The following ADAMTS7 variants were observed in gnomAD, a reference collection of about 807,000 sequenced individuals.
ADAMTS7 encodes A disintegrin and metalloproteinase with thrombospondin motifs 7.
A neutral mutation model predicts 172.6 loss-of-function variants in ADAMTS7; 89 were observed. The ratio of observed to expected loss-of-function variants is 0.52; its 90% CI spans 0.43 to 0.61. The LOEUF (loss-of-function observed/expected upper bound fraction) is 0.61, where lower values mean the gene tolerates loss of function less well. Among genes scored for constraint, ADAMTS7 ranks in the 20% least tolerant of loss-of-function variants. The pLI is 0.00. For missense variants in ADAMTS7, 1,973 were observed against 2,355.6 expected (o/e 0.84, Z 3.36); for synonymous variants, 885 against 978.4 (o/e 0.90, Z 1.78).
chr15:78,768,316 C>T (rs2055194144), intron 16 of ADAMTS7, 57 bp from the exon 17 acceptor site: 5 of 1,605,768 alleles, frequency 3.1e-6, no homozygotes, highest in Non-Finnish European at 4.2e-6. Flanking sequence ...CACCCAAGAC[C>T]CAAAGACACC....
At chr15:78,792,736 C>A (rs1363249701) in intron 4 of ADAMTS7, among the ~76,000 whole-genome samples, 1 of 152,154 alleles carries the variant, frequency 6.6e-6, no homozygotes, top group Non-Finnish European at 1.5e-5. Context: ...TCACTGGAAC[C>A]CGGGAAGGCA....
chr15:78,796,742 G>T lies in ADAMTS7; in HGVS notation c.667C>A (p.Gln223Lys). 3 of 1,612,548 alleles carry T rather than the reference G, an allele frequency of 1.9e-6. No homozygotes were observed. The highest frequency in any genetic ancestry group is 2.5e-6 in the Non-Finnish European group (3 of 1,179,858). Residue 223 changes from glutamine to lysine, a missense_variant, in exon 4 of 24, where the codon CAG becomes AAG. By Grantham distance (53) the Gln-to-Lys change is moderately conservative (BLOSUM62 1). Around this residue, in one of 8 missense-constraint regions of ADAMTS7, gnomAD observed 526 missense variants for 662.9 expected, o/e 0.79. Coordinates refer to ENST00000388820, the MANE Select transcript of ADAMTS7 (RefSeq NM_014272.5). The part of the protein sequence containing the change: ...ESRRERWEQR[Q>K]QWRRPRLRRL... ...CTCAGCCGTGGCCGCCGCCACTGCT[G>T]CCGCTGCTCCCAACGCTCCCGTCGA...
At chr15:78,787,108 A>G (rs915904435) in intron 8 of ADAMTS7, among the ~76,000 whole-genome samples, 4 of 152,138 alleles carry the variant, frequency 2.6e-5, no homozygotes, top group African/African-American at 9.7e-5. Context: ...TGTTTATGTT[A>G]TCAGTAAGGC....
At chr15:78,774,998 C>G (rs1190248258) in intron 11 of ADAMTS7, among the ~76,000 whole-genome samples, 1 of 152,226 alleles carries the variant, frequency 6.6e-6, no homozygotes, top group Non-Finnish European at 1.5e-5. Context: ...GGGGAGGTGG[C>G]AGCAGGAAGC....
intron 4 of ADAMTS7, among the ~76,000 whole-genome samples, chr15:78,794,715 GT>G (rs1188150089): frequency 7.9e-5 from 12 of 152,104 alleles, no homozygotes; most frequent in African/African-American, 2.6e-4. Context: ...GTCTTTTTTT[GT>G]TTTTGTTTTT....
intron 1 of ADAMTS7, among the ~76,000 whole-genome samples, chr15:78,806,689 G>T (rs2055801925): frequency 6.6e-6 from 1 of 152,170 alleles, no homozygotes; most frequent in Non-Finnish European, 1.5e-5. Flanking sequence ...CACTCGCAGT[G>T]GGAGATTTCC....
In ADAMTS7 at chr15:78,777,536, A is replaced by T. The variant is rs769508656; in HGVS notation, c.1375T>A (p.Phe459Ile). ...AGGACGCCAGGTGGCACCGAGGGGA[A>T]GTCGATAATGTCCTTGGCAGGAGGG... ...DDPPAKDIID[F>I]PSVPPGVLYD... Residue 459 changes from phenylalanine to isoleucine, a missense_variant, in exon 9 of 24, where the codon TTC (phenylalanine) becomes ATC (isoleucine). By Grantham distance (21) the Phe-to-Ile change is conservative (BLOSUM62 0). Transcript: ENST00000388820. 2 of 1,610,120 alleles carry T rather than the reference A, an allele frequency of 1.2e-6. No homozygotes were observed. The highest frequency in any genetic ancestry group is 2.2e-5 in the South Asian group (2 of 90,056).
chr15:78,799,032 A>T (rs2141521071), intron 2 of ADAMTS7, among the ~76,000 whole-genome samples: 2 of 149,082 alleles, frequency 1.3e-5, no homozygotes, highest in South Asian at 4.5e-4. Context: ...TGAAATGGGA[A>T]TGATGCCCCA....
At chr15:78,788,111 T>C (rs2055530762) in intron 8 of ADAMTS7, 120 bp downstream of exon 8, 16 of 1,376,736 alleles carry the variant, frequency 1.2e-5, no homozygotes, top group Non-Finnish European at 9.9e-7. Context: ...ACCTCATGTA[T>C]CAAGATCTTG....
Position 78,800,315 on chromosome 15 carries a change from CCGCGTCT to C in ADAMTS7, c.326_332del (p.Glu109GlyfsTer42). On this transcript the variant is annotated frameshift_variant, in exon 2 of 24. Coordinates refer to ENST00000388820, the MANE Select transcript of ADAMTS7 (RefSeq NM_014272.5). LOFTEE classifies it high-confidence loss of function. ...GCGCGCGGCCCAGGCCGCCGCGCCG[CCGCGTCT>C]CGCTCACAAAGCCGGGCGCCAGCAG... The C allele has an allele frequency of 6.3e-7, 1 of 1,593,894 alleles. No homozygotes were observed. Among genetic ancestry groups the C allele is most frequent in the South Asian group, 1.1e-5 (1 of 89,862 alleles).
chr15:78,771,773 C>T lies in ADAMTS7; in HGVS notation c.2188G>A (p.Val730Ile). The T allele has an allele frequency of 6.2e-7, 1 of 1,612,796 alleles. No homozygotes were observed. ...GCCAGGAAGTTGGCAGCCTCGGCAA[C>T]CTCTTGGATGCGGATCTCGCGTGCG... ...AGAREIRIQE[V>I]AEAANFLALR... is the part of the protein sequence containing the mutation. Residue 730 changes from valine (V) to isoleucine (I), a missense_variant, in exon 15 of 24, where the codon GTT becomes ATT. Transcript: ENST00000388820. The surrounding 1 kb of genome is among the most constrained non-coding windows in gnomAD (Gnocchi z 4.9).
At position 78,797,933 on chromosome 15, in the gene ADAMTS7, A is replaced by G. The variant is rs2055667677; in HGVS notation, c.622+15T>C. 1 of 1,591,150 alleles carries G rather than the reference A, an allele frequency of 6.3e-7. No individual in the cohort carries two copies. The highest frequency in any genetic ancestry group is 8.5e-7 in the Non-Finnish European group (1 of 1,172,910). On this transcript the variant is annotated intron_variant, in intron 3 of 23. Coordinates refer to ENST00000388820, the MANE Select transcript of ADAMTS7 (RefSeq NM_014272.5). ...GCCCAGCACCCACCCGAGAACTGGG[A>G]GCAGAAGAGCATACCTTGCACTCCA...
At chr15:78,794,586 T>G (rs891328600) in intron 4 of ADAMTS7, among the ~76,000 whole-genome samples, 9 of 152,110 alleles carry the variant, frequency 5.9e-5, no homozygotes, top group Admixed American at 2.0e-4. Context: ...GCTCACCAAG[T>G]GAATGGGTAG....
At chr15:78,784,772 A>G (rs1825087) in intron 8 of ADAMTS7, among the ~76,000 whole-genome samples, 48,627 of 152,084 alleles carry the variant, frequency 0.32, 8,925 homozygotes, top group Non-Finnish European at 0.43. Flanking sequence ...ACAGAGCAAT[A>G]TTGGAAACTA....
chr15:78,797,126 C>A (rs1418760088), intron 3 of ADAMTS7, among the ~76,000 whole-genome samples: 2 of 151,946 alleles, frequency 1.3e-5, no homozygotes, highest in Admixed American at 6.5e-5. Context: ...GGCAACTGGG[C>A]CCCTATCTCC....
intron 1 of ADAMTS7, among the ~76,000 whole-genome samples, chr15:78,801,042 G>C (rs2055718779): frequency 6.6e-6 from 1 of 152,174 alleles, no homozygotes. Context: ...CGCCCGGCCT[G>C]GATTGCTGCG....
At chr15:78,788,848 A>C (rs550412205) in intron 7 of ADAMTS7, among the ~76,000 whole-genome samples, 5 of 152,324 alleles carry the variant, frequency 3.3e-5, no homozygotes, top group African/African-American at 1.2e-4. Flanking sequence ...ATACAAGAAA[A>C]ATTATTTCCT....
chr15:78,781,357 C>T (rs991772655), intron 8 of ADAMTS7, among the ~76,000 whole-genome samples: 3 of 152,182 alleles, frequency 2.0e-5, no homozygotes, highest in African/African-American at 7.2e-5. Context: ...ACCTCCTGGG[C>T]CTCGGGAGGG....
intron 23 of ADAMTS7, among the ~76,000 whole-genome samples, chr15:78,760,440 T>A (rs1237190534): frequency 6.6e-6 from 1 of 151,858 alleles, no homozygotes; most frequent in Admixed American, 6.6e-5. Context: ...GCCTGGGACA[T>A]CCCCCAGGCC....
Sources: gnomAD v4.1 joint callset for allele counts (sites outside exome capture counted in the v4.1 genomes callset) on GRCh38, gnomAD v4.1.1 for gene constraint, gnomAD v4.1.1 regional missense constraint, Gnocchi (gnomAD v3.1) non-coding constraint, MANE v1.5 for transcripts, NCBI Gene and HGNC (gene_info 2026-07-23, HGNC 2026-07-21) for gene names.